The following BTG4 variants were observed in gnomAD, a reference collection of about 807,000 sequenced individuals.
BTG4 encodes BTG anti-proliferation factor 4, also known as protein BTG4.
A neutral mutation model predicts 19.3 loss-of-function variants in BTG4; 10 were observed. The observed-to-expected ratio is 0.52, with a 90% confidence interval of 0.32 to 0.88. The LOEUF (loss-of-function observed/expected upper bound fraction) is 0.88, where lower values mean the gene tolerates loss of function less well. BTG4 is among the 40% of genes least tolerant of loss of function. The pLI, the probability that BTG4 is intolerant of heterozygous loss-of-function variation, is 0.04. For missense variants in BTG4, 238 were observed against 281.9 expected (o/e 0.84, Z 1.11); for synonymous variants, 91 against 95.7 (o/e 0.95, Z 0.29).
the BTG4 span, among the ~76,000 whole-genome samples, chr11:111,447,031 C>A: frequency 6.6e-6 from 1 of 152,322 alleles, no homozygotes; most frequent in East Asian, 1.9e-4. Flanking sequence ...GCTGTCCCCC[C>A]ACAGGTAGTC....
intron 5 of BTG4, among the ~76,000 whole-genome samples, chr11:111,470,554 G>A (rs138876720): frequency 1.3e-4 from 20 of 152,266 alleles, no homozygotes; most frequent in African/African-American, 4.8e-4. Flanking sequence ...CCAAGTGGCA[G>A]CATGTTTACC....
At chr11:111,425,511 C>T in the BTG4 span, among the ~76,000 whole-genome samples, 2 of 152,128 alleles carry the variant, frequency 1.3e-5, no homozygotes, top group Non-Finnish European at 2.9e-5. Context: ...AGGTTATGAT[C>T]AGCGCCTTTT....
chr11:111,500,362 G>T (rs762870300), intron 1 of BTG4, among the ~76,000 whole-genome samples: 2 of 152,118 alleles, frequency 1.3e-5, no homozygotes, highest in Non-Finnish European at 2.9e-5. Context: ...TAGTGAAAAG[G>T]AATTCACTGT....
At chr11:111,402,250 G>T in the BTG4 span, among the ~76,000 whole-genome samples, 1 of 152,050 alleles carries the variant, frequency 6.6e-6, no homozygotes, top group South Asian at 2.1e-4. Flanking sequence ...ATGATTGTGA[G>T]GCCTCCCCAG....
chr11:111,508,833 TTACA>T (rs1301175080), intron 1 of BTG4, among the ~76,000 whole-genome samples: 3 of 150,298 alleles, frequency 2.0e-5, no homozygotes, highest in Admixed American at 1.3e-4. Flanking sequence ...TATATTCATA[TTACA>T]TACTAATATA....
At chr11:111,479,351 T>C (rs1484227799) in intron 5 of BTG4, among the ~76,000 whole-genome samples, 1 of 152,086 alleles carries the variant, frequency 6.6e-6, no homozygotes, top group Non-Finnish European at 1.5e-5. Context: ...GACTCATGCC[T>C]GTAATCCCAA....
the BTG4 span, chr11:111,398,044 G>A: frequency 6.6e-6 from 1 of 152,168 alleles, no homozygotes; most frequent in Non-Finnish European, 1.5e-5. Context: ...TCTGTGGCTT[G>A]TGGGGCATGA....
chr11:111,459,253 T>C, the BTG4 span, among the ~76,000 whole-genome samples: 1 of 151,170 alleles, frequency 6.6e-6, no homozygotes, highest in Non-Finnish European at 1.5e-5. Flanking sequence ...AAAAAAAAAA[T>C]TGTGCATACT....
the BTG4 span, among the ~76,000 whole-genome samples, chr11:111,405,098 C>T: frequency 6.6e-6 from 1 of 152,202 alleles, no homozygotes; most frequent in African/African-American, 2.4e-5. Flanking sequence ...ACTGAGGACT[C>T]TGCTGGACAT....
chr11:111,388,598 C>A, the BTG4 span, among the ~76,000 whole-genome samples: 6 of 152,262 alleles, frequency 3.9e-5, no homozygotes, highest in South Asian at 1.0e-3. Context: ...CTTGGCTTCA[C>A]GCACGCCCCA....
At chr11:111,444,893 G>GGA in the BTG4 span, among the ~76,000 whole-genome samples, 1 of 152,128 alleles carries the variant, frequency 6.6e-6, no homozygotes, top group African/African-American at 2.4e-5. Flanking sequence ...GAGAGGCAGG[G>GGA]GAGTGGTCAG....
At chr11:111,439,651 C>G in the BTG4 span, among the ~76,000 whole-genome samples, 2 of 152,120 alleles carry the variant, frequency 1.3e-5, no homozygotes, top group African/African-American at 2.4e-5. Flanking sequence ...GACTCACACC[C>G]CCTCTCAGTT....
chr11:111,495,459 T>G (rs1473583355), intron 4 of BTG4, 145 bp from the exon 5 acceptor site: 3 of 649,474 alleles, frequency 4.6e-6, no homozygotes, highest in Non-Finnish European at 7.6e-6. Flanking sequence ...GAAAAAAATT[T>G]CTAGCACTTG....
chr11:111,394,655 G>A, the BTG4 span, among the ~76,000 whole-genome samples: 1 of 152,088 alleles, frequency 6.6e-6, no homozygotes, highest in Non-Finnish European at 1.5e-5. Flanking sequence ...TTAATGTCTG[G>A]TCCACCTCCA....
chr11:111,439,082 G>A, the BTG4 span, among the ~76,000 whole-genome samples: 3 of 152,226 alleles, frequency 2.0e-5, no homozygotes, highest in East Asian at 3.8e-4. Context: ...AAGCCTCTGC[G>A]GTTGGGACCC....
intron 5 of BTG4, among the ~76,000 whole-genome samples, chr11:111,474,647 T>C (rs893447982): frequency 6.6e-6 from 1 of 152,168 alleles, no homozygotes; most frequent in Admixed American, 6.5e-5. Context: ...CTGGTGATGA[T>C]ACATAACTAT....
intron 1 of BTG4, among the ~76,000 whole-genome samples, chr11:111,501,624 A>T (rs1398690291): frequency 1.3e-5 from 2 of 152,248 alleles, no homozygotes; most frequent in Non-Finnish European, 2.9e-5. Context: ...TAGACAAATT[A>T]TAGGTAACAA....
intron 5 of BTG4, among the ~76,000 whole-genome samples, chr11:111,482,298 C>T (rs12271577): frequency 0.036 from 5,533 of 151,886 alleles, 336 homozygotes; most frequent in African/African-American, 0.12. Flanking sequence ...CACACACACA[C>T]GAAGAAATTG....
At chr11:111,409,255 T>A in the BTG4 span, among the ~76,000 whole-genome samples, 1 of 152,112 alleles carries the variant, frequency 6.6e-6, no homozygotes, top group Admixed American at 6.5e-5. Context: ...GGTTTAGATA[T>A]AATTTGACTC....
Sources: allele counts gnomAD v4.1 joint callset (sites outside exome capture counted in the v4.1 genomes callset), GRCh38; gene constraint gnomAD v4.1.1; transcripts MANE v1.5; gene names NCBI Gene and HGNC (gene_info 2026-07-23, HGNC 2026-07-21).